PRKAA1: variants seen among roughly 807,000 people sequenced by gnomAD.
PRKAA1 encodes 5'-AMP-activated protein kinase catalytic subunit alpha-1.
Under a neutral mutation model 56.9 loss-of-function variants are expected in PRKAA1, and 23 were observed. That is an observed-to-expected ratio of 0.40 (90% CI 0.29 to 0.57). PRKAA1 has a LOEUF of 0.57. Ranked by LOEUF, PRKAA1 falls within the 20% of genes least tolerant of loss-of-function variation. PRKAA1 has a pLI of 0.39. For synonymous variants in PRKAA1, 226 were observed against 227.0 expected, an observed-to-expected ratio of 1.00 and a Z score of 0.04; for missense variants, 413 against 679.7, an observed-to-expected ratio of 0.61 and a Z score of 4.36.
chr5:40,778,266 A>T (rs1384191798), intron 1 of PRKAA1, among the ~76,000 whole-genome samples: 1 of 152,122 alleles, frequency 6.6e-6, no homozygotes, highest in Non-Finnish European at 1.5e-5. Flanking sequence ...TAAAAATAAT[A>T]ATATATTTAG....
At chr5:40,790,589 G>C (rs1244989622) in intron 1 of PRKAA1, among the ~76,000 whole-genome samples, 4 of 151,456 alleles carry the variant, frequency 2.6e-5, no homozygotes, top group Admixed American at 6.6e-5. Flanking sequence ...CGCCAGGCTG[G>C]AGTGCAGTGG....
rs895135185 is a variant in PRKAA1 at position 40,788,512 on chromosome 5, G to A, written c.127+9551C>T. Among the ~76,000 whole-genome samples the A allele has an allele frequency of 7.9e-5, 12 of 152,070 alleles. No individual in the cohort carries two copies. In the South Asian group the frequency reaches 1.2e-3, roughly 16 times the overall value. On this transcript the variant is annotated intron_variant, in intron 1 of 8. Coordinates refer to ENST00000397128, the MANE Select transcript of PRKAA1 (RefSeq NM_006251.6). ...GCAACAAAAGCAATAATAAACAAAT[G>A]GGATGACATCAAACTAAAAAGCTTC...
chr5:40,772,416 G>A (rs1743788028), intron 3 of PRKAA1, among the ~76,000 whole-genome samples: 1 of 151,968 alleles, frequency 6.6e-6, no homozygotes, highest in Non-Finnish European at 1.5e-5. Flanking sequence ...CACTATTTTA[G>A]ACCATGAGGA....
Position 40,762,748 on chromosome 5 carries a change from G to T in PRKAA1, c.*30C>A. On this transcript the variant is annotated 3_prime_UTR_variant, in exon 9 of 9. Coordinates refer to ENST00000397128, the MANE Select transcript of PRKAA1 (RefSeq NM_006251.6). ...CTGTGACTTATTATGCATGCTTATT[G>T]CTGCAAAAGAAATAAGCAAAGTTTT... 3 of 1,608,712 alleles carry T rather than the reference G, an allele frequency of 1.9e-6. No homozygotes were observed. The highest frequency in any genetic ancestry group is 2.6e-6 in the Non-Finnish European group (3 of 1,176,432).
Position 40,787,467 on chromosome 5 carries a change from A to AAAT in PRKAA1, c.128-9884_128-9882dup, listed in dbSNP as rs150503090. On this transcript the variant is annotated intron_variant, in intron 1 of 8. Transcript: ENST00000397128. ...GCAACAAGAGTGAAACTCCATCTCA[A>AAAT]AATAATAATAATAATAATAATAATA... Among the ~76,000 whole-genome samples the AAAT allele has an allele frequency of 5.9e-3, 878 of 150,048 alleles. 6 individuals carry two copies. Among genetic ancestry groups the AAAT allele is most frequent in the African/African-American group, 0.015 (619 of 40,802 alleles).
At chr5:40,769,223 T>C (rs1349861199) in intron 5 of PRKAA1, among the ~76,000 whole-genome samples, 193 bp downstream of exon 5, 1 of 152,214 alleles carries the variant, frequency 6.6e-6, no homozygotes, top group Non-Finnish European at 1.5e-5. Context: ...AAAATTAATG[T>C]ACTCTCTTCT....
intron 4 of PRKAA1, among the ~76,000 whole-genome samples, chr5:40,770,520 A>C (rs1227880972): frequency 6.6e-6 from 1 of 152,080 alleles, no homozygotes; most frequent in Non-Finnish European, 1.5e-5. Flanking sequence ...CCTAAAGAAA[A>C]GAAGAGATTC....
At chr5:40,796,832 C>T (rs1247700455) in intron 1 of PRKAA1, among the ~76,000 whole-genome samples, 2 of 152,172 alleles carry the variant, frequency 1.3e-5, no homozygotes. Flanking sequence ...CTTTGGCAAA[C>T]TTTTTTTCTT....
In PRKAA1 at chr5:40,769,519, A is replaced by C; in HGVS notation, c.509-16T>G. ...TTTGAAAGACCTGAAAGTGCACAAAATCAGCTACTCAAAAGATTTCCCAAA... is the reference window on the plus strand; with the variant it reads ...TTTGAAAGACCTGAAAGTGCACAAACTCAGCTACTCAAAAGATTTCCCAAA... On this transcript the variant is annotated splice_polypyrimidine_tract_variant and intron_variant, in intron 4 of 8. Coordinates refer to ENST00000397128, the MANE Select transcript of PRKAA1 (RefSeq NM_006251.6). The C allele has an allele frequency of 6.3e-7, 1 of 1,577,714 alleles. No homozygotes were observed. The highest frequency in any genetic ancestry group is 1.1e-5 in the South Asian group (1 of 87,258).
intron 1 of PRKAA1, among the ~76,000 whole-genome samples, chr5:40,782,352 G>C (rs1475495184): frequency 3.3e-5 from 5 of 152,106 alleles, no homozygotes; most frequent in Non-Finnish European, 2.9e-5. Context: ...CATTATTTTG[G>C]CATTATGTAC....
At chr5:40,766,073 T>C (rs1186906438) in intron 6 of PRKAA1, among the ~76,000 whole-genome samples, 1 of 152,190 alleles carries the variant, frequency 6.6e-6, no homozygotes, top group Non-Finnish European at 1.5e-5. Flanking sequence ...TATATTTTAA[T>C]TGGAAGAAAA....
At chr5:40,774,833 G>T in intron 3 of PRKAA1, 1 of 981,372 alleles carries the variant, frequency 1.0e-6, no homozygotes, top group Non-Finnish European at 1.6e-6. Context: ...TGGGCAGAGG[G>T]CAGTGTTGAG....
intron 1 of PRKAA1, among the ~76,000 whole-genome samples, chr5:40,778,019 A>G (rs1181793545): frequency 6.6e-6 from 1 of 151,980 alleles, no homozygotes; most frequent in Non-Finnish European, 1.5e-5. Context: ...GGTTGCAGTG[A>G]GCCGAGATCA....
intron 1 of PRKAA1, among the ~76,000 whole-genome samples, chr5:40,788,290 A>G (rs756098963): frequency 1.2e-4 from 19 of 152,226 alleles, no homozygotes; most frequent in Non-Finnish European, 1.8e-4. Context: ...CTCTTCAATA[A>G]TGTCATTTGG....
chr5:40,778,779 A>ATTTTTTTTTTTTT (rs70988808), intron 1 of PRKAA1, among the ~76,000 whole-genome samples: 1 of 57,822 alleles, frequency 1.7e-5, no homozygotes, highest in East Asian at 5.3e-4. Flanking sequence ...CTGTTTTTTA[A>ATTTTTTTTTTTTT]TTTTTTTTTT....
chr5:40,792,326 T>C (rs1207132422), intron 1 of PRKAA1, among the ~76,000 whole-genome samples: 1 of 152,228 alleles, frequency 6.6e-6, no homozygotes, highest in Admixed American at 6.5e-5. Context: ...TTTCACTATA[T>C]GGATAAACCA....
In PRKAA1 at chr5:40,779,204, G is replaced by T. The variant is rs184557927; in HGVS notation, c.128-1618C>A. 6.1e-3 allele frequency among the ~76,000 whole-genome samples: 931 copies of T among 151,692 alleles called. 13 individuals carry two copies. Among genetic ancestry groups the T allele is most frequent in the African/African-American group, 0.021 (881 of 41,476 alleles). On this transcript the variant is annotated intron_variant, in intron 1 of 8. Coordinates refer to ENST00000397128, the MANE Select transcript of PRKAA1 (RefSeq NM_006251.6). ...TAGACAGTCGGTGGTGACAGAATTT[G>T]GGTTTAGGACATAATCCCAAAAGAC...
chr5:40,789,364 A>G (rs1013848634), intron 1 of PRKAA1, among the ~76,000 whole-genome samples: 1 of 152,248 alleles, frequency 6.6e-6, no homozygotes, highest in African/African-American at 2.4e-5. Context: ...GGTGAAAGAT[A>G]AGTGTTAGCA....
chr5:40,785,835 C>CAGAGAGAG lies in PRKAA1; in HGVS notation c.128-8250_128-8249insCTCTCTCT, dbSNP rs765908317. Among the ~76,000 whole-genome samples the CAGAGAGAG allele has an allele frequency of 1.5e-3, 206 of 142,062 alleles. 1 individual carries two copies. Among genetic ancestry groups the CAGAGAGAG allele is most frequent in the Middle Eastern group, 3.8e-3 (1 of 264 alleles). 93.2% of individuals were successfully genotyped at this position (142,062 alleles called of 152,430 possible). ...AAGAAGAGGAGAGCACACACACACA[C>CAGAGAGAG]ACACAGAGAGAGAGAGAGAGAGAGA... On this transcript the variant is annotated intron_variant, in intron 1 of 8. Coordinates refer to ENST00000397128, the MANE Select transcript of PRKAA1 (RefSeq NM_006251.6).
Sources: gnomAD v4.1 joint callset for allele counts (sites outside exome capture counted in the v4.1 genomes callset) on GRCh38, gnomAD v4.1.1 for gene constraint, MANE v1.5 for transcripts, NCBI Gene and HGNC (gene_info 2026-07-23, HGNC 2026-07-21) for gene names.